LY6S: variants seen among roughly 807,000 people sequenced by gnomAD.
LY6S encodes lymphocyte antigen 6 family member S, also known as lymphocyte antigen 6S.
At chr8:143,065,495 CA>C in the LY6S span, among the ~76,000 whole-genome samples, 9 of 152,140 alleles carry the variant, frequency 5.9e-5, no homozygotes, top group Non-Finnish European at 1.0e-4. Context: ...TTCGAAGATC[CA>C]AAAACTGGCC....
chr8:143,043,316 CTTGT>C, the LY6S span: 15 of 1,169,296 alleles, frequency 1.3e-5, no homozygotes, highest in Non-Finnish European at 1.7e-5. Context: ...GGAGGGAGAG[CTTGT>C]TCTCCCCTCT....
chr8:143,061,086 G>T, the LY6S span, among the ~76,000 whole-genome samples: 1 of 152,090 alleles, frequency 6.6e-6, no homozygotes, highest in South Asian at 2.1e-4. Flanking sequence ...AAAAGTTTTA[G>T]GCCAAATAAA....
At chr8:143,047,622 G>A in the LY6S span, 1 of 152,242 alleles carries the variant, frequency 6.6e-6, no homozygotes, top group Admixed American at 6.5e-5. Flanking sequence ...CCCAACTACA[G>A]AGCAGGCATA....
the LY6S span, chr8:143,044,535 C>T: frequency 6.6e-6 from 2 of 303,216 alleles, no homozygotes; most frequent in African/African-American, 4.5e-5. Context: ...GCCATGCCCA[C>T]CCCACCCCAC....
chr8:143,050,289 T>A, the LY6S span, among the ~76,000 whole-genome samples: 2 of 151,416 alleles, frequency 1.3e-5, no homozygotes, highest in Non-Finnish European at 2.9e-5. Flanking sequence ...AAAGCGATTC[T>A]CCTGCCTCAG....
chr8:143,070,422 T>A, the LY6S span, among the ~76,000 whole-genome samples: 1,068 of 98,148 alleles, frequency 0.011, 54 homozygotes, highest in African/African-American at 0.055. Context: ...GTATATATAT[T>A]TATATATATA....
chr8:143,068,747 AT>A, the LY6S span, among the ~76,000 whole-genome samples: 4 of 142,920 alleles, frequency 2.8e-5, no homozygotes, highest in African/African-American at 1.2e-4. Context: ...CACTTGACTA[AT>A]AATTTCTTTT....
the LY6S span, among the ~76,000 whole-genome samples, chr8:143,048,901 G>A: frequency 1.5e-3 from 229 of 152,322 alleles, 1 homozygote; most frequent in African/African-American, 5.3e-3. Flanking sequence ...TATCTGCCAG[G>A]CTGTGGGGAC....
At chr8:143,041,254 G>A in the LY6S span, among the ~76,000 whole-genome samples, 17 of 152,246 alleles carry the variant, frequency 1.1e-4, no homozygotes, top group South Asian at 1.0e-3. Flanking sequence ...AAAGGCAGCC[G>A]TCCCCAAAGC....
the LY6S span, among the ~76,000 whole-genome samples, chr8:143,055,236 A>G: frequency 8.1e-3 from 1,233 of 152,032 alleles, 14 homozygotes; most frequent in African/African-American, 0.028. Context: ...TTTTAAGATC[A>G]TTTATTAGAA....
At chr8:143,055,266 T>C in the LY6S span, among the ~76,000 whole-genome samples, 1 of 152,094 alleles carries the variant, frequency 6.6e-6, no homozygotes, top group Non-Finnish European at 1.5e-5. Flanking sequence ...TCAGAAGCCA[T>C]TGAGACATCA....
At chr8:143,069,199 G>A in the LY6S span, among the ~76,000 whole-genome samples, 1 of 152,228 alleles carries the variant, frequency 6.6e-6, no homozygotes, top group Non-Finnish European at 1.5e-5. Flanking sequence ...CCCCTAGAAA[G>A]AGACAAGGCT....
the LY6S span, among the ~76,000 whole-genome samples, chr8:143,058,042 T>C: frequency 5.3e-5 from 8 of 152,116 alleles, no homozygotes; most frequent in African/African-American, 1.9e-4. Context: ...GCAAGTTCAT[T>C]AACGTCAGTG....
At chr8:143,061,125 T>C in the LY6S span, among the ~76,000 whole-genome samples, 1 of 152,094 alleles carries the variant, frequency 6.6e-6, no homozygotes, top group Non-Finnish European at 1.5e-5. Flanking sequence ...ACAGTGCTCA[T>C]TTTAAAAGGA....
chr8:143,058,355 A>G, the LY6S span, among the ~76,000 whole-genome samples: 4 of 152,356 alleles, frequency 2.6e-5, no homozygotes, highest in African/African-American at 9.6e-5. Context: ...AGAGTGAGCC[A>G]TCTCCAATGA....
At chr8:143,066,220 G>A in the LY6S span, 1 of 220,188 alleles carries the variant, frequency 4.5e-6, no homozygotes, top group South Asian at 5.1e-5. Context: ...TCAGGCTGGA[G>A]TGCAGAGGCG....
chr8:143,051,983 A>G, the LY6S span, among the ~76,000 whole-genome samples: 13,365 of 145,424 alleles, frequency 0.092, 2,090 homozygotes, highest in African/African-American at 0.32. Context: ...AAAAAAAAAA[A>G]GAAAAGAAAA....
the LY6S span, among the ~76,000 whole-genome samples, chr8:143,048,920 G>T: frequency 6.6e-6 from 1 of 152,182 alleles, no homozygotes; most frequent in Non-Finnish European, 1.5e-5. Flanking sequence ...ACTGCATCGG[G>T]TATTCCAGGC....
chr8:143,042,890 G>T, the LY6S span: 6 of 694,310 alleles, frequency 8.6e-6, no homozygotes, highest in East Asian at 5.4e-5. Flanking sequence ...GGTGTTGTTG[G>T]GGGGCATGGG....
Sources: gnomAD v4.1 joint callset for allele counts (sites outside exome capture counted in the v4.1 genomes callset) on GRCh38, gnomAD v4.1.1 for gene constraint, MANE v1.5 for transcripts, NCBI Gene and HGNC (gene_info 2026-07-23, HGNC 2026-07-21) for gene names.